The following NPAS3 variants were observed in gnomAD, a reference collection of about 807,000 sequenced individuals.
The protein encoded by NPAS3 is neuronal PAS domain protein 3.
In NPAS3, 14 loss-of-function variants were observed where a neutral mutation model predicts 73.1. The ratio of observed to expected loss-of-function variants is 0.19; its 90% CI spans 0.13 to 0.30. NPAS3 has a LOEUF of 0.30. NPAS3 is among the 10% of genes least tolerant of loss of function. The pLI is 1.00. For synonymous variants in NPAS3, 620 were observed against 541.5 expected (o/e 1.14, Z -2.01); for missense variants, 1,096 against 1,250.0 (o/e 0.88, Z 1.86).
chr14:33,075,623 A>C (rs1208221093), intron 2 of NPAS3, among the ~76,000 whole-genome samples: 1 of 152,232 alleles, frequency 6.6e-6, no homozygotes, highest in African/African-American at 2.4e-5. Flanking sequence ...ATTAGTCAAC[A>C]GAAACGCTTA....
At chr14:32,993,515 C>T (rs888011812) in intron 1 of NPAS3, among the ~76,000 whole-genome samples, 9 of 151,874 alleles carry the variant, frequency 5.9e-5, no homozygotes, top group East Asian at 5.8e-4. Context: ...TAAGCAAATG[C>T]GCAAAGTGAA....
chr14:33,176,067 G>T (rs1414969721), intron 2 of NPAS3, among the ~76,000 whole-genome samples: 1 of 152,048 alleles, frequency 6.6e-6, no homozygotes, highest in Non-Finnish European at 1.5e-5. Context: ...GAAATAGATA[G>T]GTCTTAAGAT....
chr14:33,103,303 C>T (rs562073868), intron 2 of NPAS3, among the ~76,000 whole-genome samples: 1 of 152,230 alleles, frequency 6.6e-6, no homozygotes, highest in African/African-American at 2.4e-5. Flanking sequence ...CTGTCCTCAC[C>T]CTCTTGTCTG....
chr14:33,715,885 A>C lies in NPAS3; in HGVS notation c.734-19329A>C, dbSNP rs2060944764. Among the ~76,000 whole-genome samples the C allele has an allele frequency of 3.3e-5, 5 of 152,088 alleles. No homozygotes were observed. In the South Asian group the frequency reaches 1.0e-3, roughly 32 times the overall value. On this transcript the variant is annotated intron_variant, in intron 6 of 11. Transcript: ENST00000356141. The stretch of plus-strand genomic sequence containing the variant: ...TCTCACAAGATTTGATGGTTTTATA[A>C]AGAGCAGTTCCACTGTGCATGTTCT...
chr14:33,681,563 C>T (rs1009847119), intron 6 of NPAS3, among the ~76,000 whole-genome samples: 1 of 152,156 alleles, frequency 6.6e-6, no homozygotes, highest in African/African-American at 2.4e-5. Context: ...AGTGAGAGAT[C>T]CCCTACTGGG....
intron 2 of NPAS3, among the ~76,000 whole-genome samples, chr14:33,077,774 G>GGTTTTTTTTTTTTTTTTT (rs1555333248): frequency 1.1e-5 from 1 of 87,470 alleles, no homozygotes; most frequent in Non-Finnish European, 2.3e-5. Flanking sequence ...TGCAGTAAGG[G>GGTTTTTTTTTTTTTTTTT]TTTTTTTTTT....
intron 5 of NPAS3, among the ~76,000 whole-genome samples, chr14:33,606,871 A>C (rs1025820031): frequency 1.3e-5 from 2 of 152,212 alleles, no homozygotes; most frequent in Non-Finnish European, 2.9e-5. Context: ...ATACACAAAG[A>C]ACTCTCAAAA....
Position 33,052,613 on chromosome 14 carries a change from A to G in NPAS3, c.51-3292A>G, listed in dbSNP as rs140203125. Among the ~76,000 whole-genome samples, 755 of 152,322 alleles carry G rather than the reference A, an allele frequency of 5.0e-3. 8 individuals carry two copies. Among genetic ancestry groups the G allele is most frequent in the African/African-American group, 0.017 (702 of 41,564 alleles). Reference sequence around the variant, plus strand: ...GGGTTTGTCCCTCACTACCAGGTGGAACTCAGCTTAGATAATGTATTTCAT... The same window carrying G: ...GGGTTTGTCCCTCACTACCAGGTGGGACTCAGCTTAGATAATGTATTTCAT... On this transcript the variant is annotated intron_variant, in intron 1 of 11. Transcript: ENST00000356141.
intron 5 of NPAS3, among the ~76,000 whole-genome samples, chr14:33,565,093 T>A (rs1158019571): frequency 6.6e-6 from 1 of 152,182 alleles, no homozygotes. Flanking sequence ...CAAGGCAGCT[T>A]GCTGAAAAGG....
At chr14:33,756,957 T>C (rs752736681) in intron 7 of NPAS3, among the ~76,000 whole-genome samples, 1 of 152,146 alleles carries the variant, frequency 6.6e-6, no homozygotes, top group Non-Finnish European at 1.5e-5. Context: ...GAAAAGGGAT[T>C]TGATATCACC....
intron 3 of NPAS3, among the ~76,000 whole-genome samples, chr14:33,278,438 C>A (rs2041436305): frequency 6.7e-6 from 1 of 150,208 alleles, no homozygotes; most frequent in Non-Finnish European, 1.5e-5. Context: ...ATGATGAGGA[C>A]TTTGGGAAGA....
intron 2 of NPAS3, among the ~76,000 whole-genome samples, chr14:33,083,982 C>T (rs575071180): frequency 1.6e-4 from 25 of 152,278 alleles, no homozygotes; most frequent in Non-Finnish European, 3.1e-4. Flanking sequence ...ATGAAAGCCT[C>T]TTCTCAGGGT....
chr14:33,059,293 A>G (rs543787546), intron 2 of NPAS3, among the ~76,000 whole-genome samples: 1 of 152,334 alleles, frequency 6.6e-6, no homozygotes, highest in East Asian at 1.9e-4. Context: ...AAATGATTAG[A>G]CAATTGTTTC....
At chr14:33,506,376 A>G (rs2052762894) in intron 4 of NPAS3, among the ~76,000 whole-genome samples, 2 of 152,082 alleles carry the variant, frequency 1.3e-5, no homozygotes, top group East Asian at 3.9e-4. Flanking sequence ...GCAATTTGCA[A>G]TGCTGCCCAT....
chr14:33,331,089 A>G (rs1474982427), intron 3 of NPAS3, among the ~76,000 whole-genome samples: 1 of 152,222 alleles, frequency 6.6e-6, no homozygotes, highest in Non-Finnish European at 1.5e-5. Flanking sequence ...GCGATTTATA[A>G]TAACGTTTTA....
intron 3 of NPAS3, among the ~76,000 whole-genome samples, chr14:33,321,180 G>A (rs1292301759): frequency 1.3e-5 from 2 of 152,074 alleles, no homozygotes; most frequent in Non-Finnish European, 2.9e-5. Flanking sequence ...GTAAATAATA[G>A]ATAGCAAGGA....
chr14:33,113,961 T>G, intron 2 of NPAS3, among the ~76,000 whole-genome samples: 1 of 152,192 alleles, frequency 6.6e-6, no homozygotes, highest in East Asian at 1.9e-4. Context: ...TTATATGCTG[T>G]ATTATGTTTA....
intron 2 of NPAS3, among the ~76,000 whole-genome samples, chr14:33,113,050 T>C (rs1397547936): frequency 5.9e-5 from 9 of 152,226 alleles, no homozygotes; most frequent in Non-Finnish European, 7.3e-5. Flanking sequence ...ACCAGTACCA[T>C]GCTGTTTTGG....
intron 2 of NPAS3, among the ~76,000 whole-genome samples, chr14:33,154,430 C>A (rs927317353): frequency 6.6e-6 from 1 of 152,196 alleles, no homozygotes; most frequent in Admixed American, 6.5e-5. Context: ...TCGGAAGCTG[C>A]GCTTTGAGCC....
Sources: allele counts gnomAD v4.1 joint callset (sites outside exome capture counted in the v4.1 genomes callset), GRCh38; gene constraint gnomAD v4.1.1; transcripts MANE v1.5; gene names NCBI Gene and HGNC (gene_info 2026-07-23, HGNC 2026-07-21).